Variants in DNAH2 observed in about 807,000 individuals in gnomAD.
DNAH2 encodes dynein axonemal heavy chain 2, also known as axonemal beta dynein heavy chain 2.
In DNAH2, 323 loss-of-function variants were observed where a neutral mutation model predicts 523.5. The observed-to-expected ratio is 0.62, with a 90% CI of 0.56 to 0.68. DNAH2 has a LOEUF of 0.68. Ranked by LOEUF, DNAH2 falls within the 30% of genes least tolerant of loss-of-function variation. The pLI is 0.00. For synonymous variants in DNAH2, 2,093 were observed against 2,177.4 expected (o/e 0.96, Z 1.08); for missense variants, 4,907 against 5,701.5 (o/e 0.86, Z 4.49).
chr17:7,748,105 G>A (rs1470861882), intron 12 of DNAH2, among the ~76,000 whole-genome samples: 1 of 152,190 alleles, frequency 6.6e-6, no homozygotes, highest in Non-Finnish European at 1.5e-5. Flanking sequence ...AGGGGTTTTG[G>A]TATCCCACCT....
At position 7,833,129 on chromosome 17, in the gene DNAH2, C is replaced by A; in HGVS notation, c.13037C>A (p.Ser4346Tyr). Reference protein sequence around the residue: ...LEGAGWDRKNSCLVEAEPMQL... With the variant: ...LEGAGWDRKNYCLVEAEPMQL... Reference sequence around the variant, plus strand: ...GGTGCTGGCTGGGACCGGAAGAACTCCTGCTTGGTGGAGGCAGAGCCCATG... The same window carrying A: ...GGTGCTGGCTGGGACCGGAAGAACTACTGCTTGGTGGAGGCAGAGCCCATG... Residue 4346 changes from serine to tyrosine, a missense_variant, in exon 85 of 86, where the codon TCC becomes TAC. By Grantham distance (144) the Ser-to-Tyr change is moderately radical. This residue lies in a region of DNAH2 where 1,851 missense variants were observed against 2,139.4 expected (regional missense o/e 0.87). Coordinates refer to ENST00000572933, the MANE Select transcript of DNAH2 (RefSeq NM_020877.5). 6 of 1,612,478 alleles carry A rather than the reference C, an allele frequency of 3.7e-6. No individual in the cohort carries two copies. The highest frequency in any genetic ancestry group is 5.1e-6 in the Non-Finnish European group (6 of 1,180,026).
chr17:7,757,056 CG>C (rs2075861840), intron 12 of DNAH2, 34 bp from the exon 13 acceptor site: 1 of 1,612,178 alleles, frequency 6.2e-7, no homozygotes, highest in Non-Finnish European at 8.5e-7. Context: ...TCCCCTCGTG[CG>C]GTCCCCTCAC....
intron 8 of DNAH2, chr17:7,739,143 C>T (rs1219353941): frequency 2.3e-5 from 13 of 576,238 alleles, no homozygotes; most frequent in African/African-American, 1.7e-4. Context: ...CGGTGGCTCA[C>T]GCCTGTAATC....
chr17:7,817,781 C>A lies in DNAH2; in HGVS notation c.10170-9C>A. 1.2e-6 allele frequency: 2 copies of A among 1,614,042 alleles called. No homozygotes were observed. The highest frequency in any genetic ancestry group is 1.7e-6 in the Non-Finnish European group (2 of 1,180,012). ...AGGGCCTCACCTCTGACCTGTACTC[C>A]CCTTCCAGGTGGGCACTGATGATCG... On this transcript the variant is annotated splice_polypyrimidine_tract_variant and intron_variant, in intron 66 of 85. Coordinates refer to ENST00000572933, the MANE Select transcript of DNAH2 (RefSeq NM_020877.5).
At position 7,719,767 on chromosome 17, in the gene DNAH2, G is replaced by A; in HGVS notation, c.33G>A (p.Leu11=). 1 of 1,614,202 alleles carries A rather than the reference G, an allele frequency of 6.2e-7. No homozygotes were observed. Among genetic ancestry groups the A allele is most frequent in the South Asian group, 1.1e-5 (1 of 91,070 alleles). ...GCAAAGCTGAGAAGAAGCAGCGATT[G>A]AGTGGCCGAGGAAGCTCCCAGGCAA... MSSKAEKKQR[L]SGRGSSQASW... Residue 11 remains leucine, a synonymous_variant, in exon 2 of 86, where the codon TTG becomes TTA. Coordinates refer to ENST00000572933, the MANE Select transcript of DNAH2 (RefSeq NM_020877.5).
intron 25 of DNAH2, 62 bp downstream of exon 25, chr17:7,770,470 T>G (rs2076284064): frequency 1.6e-5 from 25 of 1,612,626 alleles, no homozygotes; most frequent in Non-Finnish European, 1.7e-5. Context: ...AGGCTCCAGC[T>G]GTTCATCATC....
At position 7,803,482 on chromosome 17, in the gene DNAH2, C is replaced by A. The variant is rs182780848; in HGVS notation, c.8973-774C>A. On this transcript the variant is annotated intron_variant, in intron 58 of 85. Transcript: ENST00000572933. ...GGTCAGGAGTTCAAGAACAGCCTGG[C>A]CAACATGGTGAAACCCTGTCTCTAC... Among the ~76,000 whole-genome samples, 689 of 148,338 alleles carry A rather than the reference C, an allele frequency of 4.6e-3. 1 individual carries two copies. The highest frequency in any genetic ancestry group is 9.4e-3 in the Admixed American group (141 of 15,026).
At chr17:7,811,716 A>G (rs2077522677) in intron 63 of DNAH2, among the ~76,000 whole-genome samples, 2 of 151,892 alleles carry the variant, frequency 1.3e-5, no homozygotes, top group African/African-American at 4.8e-5. Context: ...TGAGGGCCCT[A>G]CCCCCGTGAC....
intron 18 of DNAH2, among the ~76,000 whole-genome samples, chr17:7,761,530 G>A (rs925816259): frequency 6.7e-6 from 1 of 149,442 alleles, no homozygotes; most frequent in Non-Finnish European, 1.5e-5. Context: ...TTGAGACAGA[G>A]TCTCACTCTG....
intron 45 of DNAH2, 33 bp from the exon 46 acceptor site, chr17:7,792,219 G>A: frequency 6.2e-7 from 1 of 1,609,922 alleles, no homozygotes; most frequent in East Asian, 2.2e-5. Context: ...CTCAAGGAAG[G>A]CTTTGGTAAC....
chr17:7,759,414 C>G lies in DNAH2; in HGVS notation c.2449-8C>G, dbSNP rs773133534. ...AAAGTTCTCTTTTTCCTCCCTCCATCCCATCAGATTCAGCAGCAGTGGATG... is the reference window on the plus strand; with the variant it reads ...AAAGTTCTCTTTTTCCTCCCTCCATGCCATCAGATTCAGCAGCAGTGGATG... On this transcript the variant is annotated splice_polypyrimidine_tract_variant and splice_region_variant and intron_variant, in intron 15 of 85. Coordinates refer to ENST00000572933, the MANE Select transcript of DNAH2 (RefSeq NM_020877.5). 2 of 1,604,540 alleles carry G rather than the reference C, an allele frequency of 1.2e-6. No homozygotes were observed. Among genetic ancestry groups the G allele is most frequent in the African/African-American group, 1.3e-5 (1 of 74,778 alleles).
intron 49 of DNAH2, among the ~76,000 whole-genome samples, chr17:7,795,664 T>TAA (rs58575440): frequency 0.54 from 78,302 of 145,254 alleles, 22,639 homozygotes; most frequent in Admixed American, 0.63. Context: ...TATATATATA[T>TAA]AATATTTATA....
chr17:7,830,551 G>A (rs2078142146), intron 78 of DNAH2, 60 bp downstream of exon 78: 33 of 1,605,408 alleles, frequency 2.1e-5, no homozygotes, highest in Non-Finnish European at 2.8e-5. Flanking sequence ...CTACCCCATG[G>A]CTCCCCTGTG....
At chr17:7,774,330 T>C (rs559370191) in intron 28 of DNAH2, among the ~76,000 whole-genome samples, 1 of 152,180 alleles carries the variant, frequency 6.6e-6, no homozygotes, top group African/African-American at 2.4e-5. Flanking sequence ...ATTCACATCC[T>C]GGGGGACAGA....
rs571839176 is a variant in DNAH2, at chr17:7,832,460, G to T, written c.12727-119G>T. 7 of 1,254,858 alleles carry T rather than the reference G, an allele frequency of 5.6e-6. No individual in the cohort carries two copies. The African/African-American group carries it at 7.4e-5, about 13-fold the overall frequency. The allele number at this position is 1,254,858 out of a possible 1,614,324, so 77.7% of individuals were successfully genotyped here. A position where few individuals can be genotyped will look rare whatever the true frequency, so the allele number is the denominator to read the frequency against. ...GGAGGTGGAGGTTGCAGTGAGCCAAGATCGTACCACTGCACTCCAGCCTGG... is the reference window on the plus strand; with the variant it reads ...GGAGGTGGAGGTTGCAGTGAGCCAATATCGTACCACTGCACTCCAGCCTGG... On this transcript the variant is annotated intron_variant, in intron 82 of 85. Transcript: ENST00000572933. The surrounding 1 kb of genome is among the most constrained non-coding windows in gnomAD (Gnocchi z 4.3).
chr17:7,794,183 C>A (rs1376407018), intron 48 of DNAH2, 71 bp from the exon 49 acceptor site: 1 of 1,127,850 alleles, frequency 8.9e-7, no homozygotes, highest in Non-Finnish European at 1.3e-6. Flanking sequence ...TCCTTTTCAC[C>A]TGGCCTGTGT....
At chr17:7,772,446 C>G (rs1257496613) in intron 28 of DNAH2, among the ~76,000 whole-genome samples, 8 of 152,114 alleles carry the variant, frequency 5.3e-5, no homozygotes, top group African/African-American at 1.7e-4. Context: ...AAACAATGAT[C>G]CCTTTGTTGA....
In DNAH2 at chr17:7,793,081, T is replaced by C; in HGVS notation, c.7445T>C (p.Met2482Thr). The C allele has an allele frequency of 6.2e-7, 1 of 1,614,238 alleles. No individual in the cohort carries two copies. The highest frequency in any genetic ancestry group is 8.5e-7 in the Non-Finnish European group (1 of 1,180,036). Residue 2482 changes from methionine to threonine, a missense_variant, in exon 48 of 86, where the codon ATG becomes ACG. Physicochemically the swap from Met to Thr is moderately conservative, Grantham distance 81 (BLOSUM62 -1). Around this residue, in one of 3 missense-constraint regions of DNAH2, gnomAD observed 250 missense variants for 371.3 expected, o/e 0.67. Coordinates refer to ENST00000572933, the MANE Select transcript of DNAH2 (RefSeq NM_020877.5). ...GGGGGCAAAAGCATGATCACCTTTA[T>C]GGATGACCTAAATATGCCCGCTAAG... is the stretch of plus-strand genomic sequence containing the variant. ...PFGGKSMITFMDDLNMPAKDM... is the reference protein window; with the variant it reads ...PFGGKSMITFTDDLNMPAKDM...
chr17:7,788,283 T>A (rs1385524466), intron 44 of DNAH2, 39 bp downstream of exon 44: 2 of 1,524,942 alleles, frequency 1.3e-6, no homozygotes, highest in Non-Finnish European at 1.8e-6. Context: ...GGGCAGGGGG[T>A]GCTCACAGCC....
Sources: gnomAD v4.1 joint callset for allele counts (sites outside exome capture counted in the v4.1 genomes callset) on GRCh38, gnomAD v4.1.1 for gene constraint, gnomAD v4.1.1 regional missense constraint, Gnocchi (gnomAD v3.1) non-coding constraint, MANE v1.5 for transcripts, NCBI Gene and HGNC (gene_info 2026-07-23, HGNC 2026-07-21) for gene names.